Variants in MACROD1 observed in about 807,000 individuals in gnomAD.
The protein encoded by MACROD1 is mono-ADP ribosylhydrolase 1, also known as ADP-ribose glycohydrolase MACROD1.
In MACROD1, 31 loss-of-function variants were observed where a neutral mutation model predicts 41.4. The observed-to-expected ratio is 0.75, with a 90% CI of 0.56 to 1.01. The LOEUF (loss-of-function observed/expected upper bound fraction) is 1.01, where lower values mean the gene tolerates loss of function less well. Among genes scored for constraint, MACROD1 ranks in the 50% least tolerant of loss-of-function variants. The pLI is 0.00. For missense variants in MACROD1, 473 were observed against 460.0 expected (o/e 1.03, Z -0.26); for synonymous variants, 252 against 203.4 (o/e 1.24, Z -2.03).
intron 9 of MACROD1, 40 bp downstream of exon 9, chr11:63,998,915 C>CGGGGCA (rs745392753): frequency 4.4e-5 from 70 of 1,590,584 alleles, no homozygotes; most frequent in Non-Finnish European, 5.6e-5. Context: ...CAGGGTGGAC[C>CGGGGCA]GGGGCAGGGG....
chr11:64,081,344 A>G (rs914066786), intron 3 of MACROD1, among the ~76,000 whole-genome samples: 4 of 152,146 alleles, frequency 2.6e-5, no homozygotes, highest in African/African-American at 4.8e-5. Flanking sequence ...TTTAAAATCA[A>G]TGACCATGAA....
chr11:63,999,874 C>T (rs2134316940), intron 5 of MACROD1, 111 bp from the exon 6 acceptor site: 3 of 1,261,528 alleles, frequency 2.4e-6, no homozygotes, highest in Admixed American at 5.1e-5. Context: ...TCCCCCCAAG[C>T]GCTGAGCCTC....
chr11:64,041,495 G>A lies in MACROD1; in HGVS notation c.518-26214C>T, dbSNP rs544606224. Among the ~76,000 whole-genome samples, 495 of 152,128 alleles carry A rather than the reference G, an allele frequency of 3.3e-3. 3 individuals are homozygous for A. The highest frequency in any genetic ancestry group is 0.011 in the African/African-American group (469 of 41,494). ...GCTCAGGGGAGTGAGGAGGGTGCCC[G>A]GGGCTGCTCTGGAGGGTGTGTTGGG... On this transcript the variant is annotated intron_variant, in intron 3 of 10. Transcript: ENST00000255681.
intron 3 of MACROD1, chr11:64,116,777 G>T (rs749791643): frequency 4.3e-6 from 7 of 1,613,502 alleles, no homozygotes; most frequent in African/African-American, 1.3e-5. Flanking sequence ...GCATTGAGGA[G>T]GACGCCTTCG....
intron 3 of MACROD1, among the ~76,000 whole-genome samples, chr11:64,126,155 T>C (rs1220092397): frequency 6.6e-6 from 1 of 152,076 alleles, no homozygotes; most frequent in Non-Finnish European, 1.5e-5. Flanking sequence ...TTAGGCTGTT[T>C]TTCCCCAACA....
intron 3 of MACROD1, among the ~76,000 whole-genome samples, chr11:64,130,256 CCCGGGGCT>C (rs1254238708): frequency 1.3e-5 from 2 of 152,324 alleles, no homozygotes; most frequent in African/African-American, 4.8e-5. Flanking sequence ...CACCTTAAGT[CCCGGGGCT>C]CCGGCTTTGT....
intron 4 of MACROD1, 41 bp downstream of exon 4, chr11:64,015,211 A>G (rs1188303501): frequency 6.4e-7 from 1 of 1,557,202 alleles, no homozygotes; most frequent in East Asian, 2.4e-5. Flanking sequence ...AGCAGGGGAG[A>G]TGCCACACCC....
At chr11:64,022,451 C>T (rs1296101852) in intron 3 of MACROD1, among the ~76,000 whole-genome samples, 1 of 152,184 alleles carries the variant, frequency 6.6e-6, no homozygotes, top group African/African-American at 2.4e-5. Flanking sequence ...ATCTGACCAG[C>T]TGGCAGGCCT....
chr11:64,154,979 G>A (rs944989434), intron 1 of MACROD1, among the ~76,000 whole-genome samples: 1 of 152,164 alleles, frequency 6.6e-6, no homozygotes, highest in African/African-American at 2.4e-5. Flanking sequence ...TCAGCCTCCC[G>A]AAGTGCTGGA....
intron 3 of MACROD1, among the ~76,000 whole-genome samples, chr11:64,061,551 G>A (rs1211283954): frequency 1.3e-5 from 2 of 152,194 alleles, no homozygotes; most frequent in Non-Finnish European, 2.9e-5. Context: ...ACCATTCAGG[G>A]TTCTGAGCAC....
chr11:63,999,605 C>G, intron 6 of MACROD1, 37 bp downstream of exon 6: 2 of 1,609,440 alleles, frequency 1.2e-6, no homozygotes, highest in Non-Finnish European at 8.5e-7. Context: ...TGTCACTGCG[C>G]CCCGCCTCCC....
intron 3 of MACROD1, among the ~76,000 whole-genome samples, chr11:64,088,309 G>A (rs990812253): frequency 7.2e-5 from 11 of 152,294 alleles, no homozygotes; most frequent in South Asian, 2.1e-4. Flanking sequence ...CACTAGGCTC[G>A]GTGGCCAGGC....
chr11:64,008,446 C>T (rs2134329428), intron 4 of MACROD1, among the ~76,000 whole-genome samples: 1 of 152,182 alleles, frequency 6.6e-6, no homozygotes, highest in South Asian at 2.1e-4. Context: ...GGAGTGTTGT[C>T]CACCTGGCAG....
At chr11:64,118,028 G>A (rs1337272741) in intron 3 of MACROD1, 1 of 1,613,710 alleles carries the variant, frequency 6.2e-7, no homozygotes, top group East Asian at 2.2e-5. Context: ...TGACCCGGGA[G>A]AGGGCCTACA....
intron 3 of MACROD1, among the ~76,000 whole-genome samples, chr11:64,108,905 G>T (rs1252853584): frequency 1.3e-5 from 2 of 152,200 alleles, no homozygotes; most frequent in Non-Finnish European, 2.9e-5. Context: ...CCAGTGCCAG[G>T]CCACATGGGC....
At chr11:64,144,416 T>C (rs1261924414) in intron 3 of MACROD1, among the ~76,000 whole-genome samples, 2 of 152,212 alleles carry the variant, frequency 1.3e-5, no homozygotes, top group African/African-American at 4.8e-5. Context: ...GTATCATCTA[T>C]GTATGTTGCA....
At chr11:64,144,616 AG>A (rs747629702) in intron 3 of MACROD1, among the ~76,000 whole-genome samples, 12 of 151,944 alleles carry the variant, frequency 7.9e-5, no homozygotes, top group Non-Finnish European at 1.6e-4. Context: ...CCCGAGGAGG[AG>A]GGAGCCCGGC....
At chr11:64,156,203 C>T (rs1945665576) in intron 1 of MACROD1, among the ~76,000 whole-genome samples, 1 of 152,070 alleles carries the variant, frequency 6.6e-6, no homozygotes. Flanking sequence ...ATCGCTTCAG[C>T]CTGGGAGGTC....
At chr11:64,129,473 G>A (rs761117636) in intron 3 of MACROD1, among the ~76,000 whole-genome samples, 4 of 152,206 alleles carry the variant, frequency 2.6e-5, no homozygotes, top group Non-Finnish European at 5.9e-5. Flanking sequence ...AGGCCGGGTT[G>A]CCTACAGTTT....
Sources: gnomAD v4.1 joint callset for allele counts (sites outside exome capture counted in the v4.1 genomes callset) on GRCh38, gnomAD v4.1.1 for gene constraint, MANE v1.5 for transcripts, NCBI Gene and HGNC (gene_info 2026-07-23, HGNC 2026-07-21) for gene names.